Variants in TBCA observed in about 807,000 individuals in gnomAD.
The protein encoded by TBCA is tubulin-specific chaperone A.
Under a neutral mutation model 15.8 loss-of-function variants are expected in TBCA, and 6 were observed. The observed-to-expected ratio is 0.38, with a 90% CI of 0.21 to 0.75. The LOEUF is 0.75. TBCA is among the 30% of genes least tolerant of loss of function. TBCA has a pLI of 0.46. For synonymous variants in TBCA, 32 were observed against 42.3 expected, an observed-to-expected ratio of 0.76 and a Z score of 0.94; for missense variants, 90 against 131.2, an observed-to-expected ratio of 0.69 and a Z score of 1.53.
intron 1 of TBCA, among the ~76,000 whole-genome samples, chr5:77,724,919 T>C (rs1190395727): frequency 1.3e-5 from 2 of 152,220 alleles, no homozygotes; most frequent in African/African-American, 4.8e-5. Context: ...GAAATGTTTA[T>C]ATAAATTCGT....
intron 1 of TBCA, among the ~76,000 whole-genome samples, chr5:77,737,982 G>A (rs1053407711): frequency 9.9e-5 from 15 of 152,152 alleles, no homozygotes; most frequent in African/African-American, 3.6e-4. Flanking sequence ...CAGTAGTAAA[G>A]CCTTTGAACA....
At chr5:77,694,603 G>A (rs1386001064) in intron 2 of TBCA, among the ~76,000 whole-genome samples, 2 of 152,036 alleles carry the variant, frequency 1.3e-5, no homozygotes, top group Non-Finnish European at 2.9e-5. Flanking sequence ...GAAACATAGA[G>A]CTCATCTAAA....
intron 1 of TBCA, among the ~76,000 whole-genome samples, chr5:77,724,057 A>G (rs1380238954): frequency 6.6e-6 from 1 of 152,050 alleles, no homozygotes; most frequent in Non-Finnish European, 1.5e-5. Context: ...TTGTTTTCTC[A>G]ATTCACACAA....
At chr5:77,746,701 C>T (rs1354709315) in intron 1 of TBCA, among the ~76,000 whole-genome samples, 2 of 152,092 alleles carry the variant, frequency 1.3e-5, no homozygotes, top group Non-Finnish European at 2.9e-5. Flanking sequence ...ACGTATCATT[C>T]ATTTCTTGTA....
chr5:77,691,670 T>C (rs982392859), intron 3 of TBCA, 172 bp from the exon 4 acceptor site: 157 of 1,356,022 alleles, frequency 1.2e-4, no homozygotes, highest in Non-Finnish European at 1.4e-4. Context: ...TTCTGTTCCT[T>C]CTTTACAAGG....
At chr5:77,751,336 T>C (rs1462319690) in intron 1 of TBCA, among the ~76,000 whole-genome samples, 1 of 151,992 alleles carries the variant, frequency 6.6e-6, no homozygotes, top group Non-Finnish European at 1.5e-5. Context: ...TAATTTTTTG[T>C]ATTTTTTAGT....
intron 3 of TBCA, chr5:77,691,837 A>G: frequency 1.0e-6 from 1 of 1,004,694 alleles, no homozygotes; most frequent in Non-Finnish European, 1.2e-6. Context: ...AAAAGAGAAA[A>G]GTAAAAAGGA....
intron 1 of TBCA, among the ~76,000 whole-genome samples, chr5:77,740,067 G>A (rs575486593): frequency 2.6e-5 from 4 of 152,248 alleles, no homozygotes; most frequent in South Asian, 4.1e-4. Context: ...TCTGGCAGGA[G>A]TACTAAGCAG....
intron 1 of TBCA, among the ~76,000 whole-genome samples, chr5:77,725,022 C>T (rs1435959519): frequency 2.0e-5 from 3 of 152,156 alleles, no homozygotes; most frequent in African/African-American, 7.2e-5. Context: ...CTTCCATAAG[C>T]TACCTGCCAA....
At chr5:77,732,424 G>A (rs531577692) in intron 1 of TBCA, among the ~76,000 whole-genome samples, 26 of 151,742 alleles carry the variant, frequency 1.7e-4, no homozygotes, top group Non-Finnish European at 2.8e-4. Context: ...GGTGACGGGC[G>A]CCTGTAGGCC....
chr5:77,752,158 C>T (rs1580128516), intron 1 of TBCA, among the ~76,000 whole-genome samples: 1 of 152,168 alleles, frequency 6.6e-6, no homozygotes, highest in Non-Finnish European at 1.5e-5. Context: ...TTTTTACAAT[C>T]CATTATAGTA....
intron 1 of TBCA, chr5:77,708,710 C>G (rs1238442905): frequency 7.0e-6 from 1 of 143,002 alleles, no homozygotes; most frequent in Non-Finnish European, 1.5e-5. Flanking sequence ...GCTGAGACTA[C>G]AGGCACCCGT....
intron 1 of TBCA, among the ~76,000 whole-genome samples, chr5:77,766,271 T>G (rs935360810): frequency 1.3e-5 from 2 of 152,146 alleles, no homozygotes; most frequent in African/African-American, 4.8e-5. Flanking sequence ...ACAAAAACTT[T>G]TTGACAGAAC....
At chr5:77,748,607 A>G (rs12658492) in intron 1 of TBCA, among the ~76,000 whole-genome samples, 27,046 of 151,974 alleles carry the variant, frequency 0.18, 2,643 homozygotes, top group African/African-American at 0.25. Flanking sequence ...TGTAGAAAGT[A>G]CTTTCCTAAA....
At chr5:77,763,434 C>G (rs952415872) in intron 1 of TBCA, among the ~76,000 whole-genome samples, 1 of 152,084 alleles carries the variant, frequency 6.6e-6, no homozygotes, top group Non-Finnish European at 1.5e-5. Context: ...GGTACAATCC[C>G]TTTGGAAGTC....
chr5:77,734,053 A>G (rs1176961358), intron 1 of TBCA, among the ~76,000 whole-genome samples: 1 of 152,208 alleles, frequency 6.6e-6, no homozygotes, highest in African/African-American at 2.4e-5. Flanking sequence ...ACAACTGTTT[A>G]TAGCATGAAT....
At chr5:77,731,240 A>G (rs1746759835) in intron 1 of TBCA, among the ~76,000 whole-genome samples, 1 of 152,152 alleles carries the variant, frequency 6.6e-6, no homozygotes, top group Admixed American at 6.5e-5. Flanking sequence ...GTGACTAATA[A>G]TATTACCATG....
chr5:77,736,263 G>A (rs1746900298), intron 1 of TBCA, among the ~76,000 whole-genome samples: 1 of 151,076 alleles, frequency 6.6e-6, no homozygotes, highest in African/African-American at 2.4e-5. Context: ...GTGAACCCAG[G>A]AGGCAGAGGT....
rs4024280 is a variant in TBCA, at chr5:77,776,297, G to T, written c.-40C>A. 2 of 1,559,364 alleles carry T rather than the reference G, an allele frequency of 1.3e-6. No homozygotes were observed. Among genetic ancestry groups the T allele is most frequent in the African/African-American group, 1.4e-5 (1 of 73,326 alleles). ...CGCGAGAAGGAGGGGCGGAGAGCCGGGGTAACCGTGGAGGGCGACGCGCAG... is the reference window on the plus strand; with the variant it reads ...CGCGAGAAGGAGGGGCGGAGAGCCGTGGTAACCGTGGAGGGCGACGCGCAG... On this transcript the variant is annotated 5_prime_UTR_variant, in exon 1 of 4. Coordinates refer to ENST00000380377, the MANE Select transcript of TBCA (RefSeq NM_004607.3).
Sources: allele counts gnomAD v4.1 joint callset (sites outside exome capture counted in the v4.1 genomes callset), GRCh38; gene constraint gnomAD v4.1.1; transcripts MANE v1.5; gene names NCBI Gene and HGNC (gene_info 2026-07-23, HGNC 2026-07-21).